The following TAS2R1 variants were observed in gnomAD, a reference collection of about 807,000 sequenced individuals.
The protein encoded by TAS2R1 is taste receptor type 2 member 1.
For missense variants in TAS2R1, 370 were observed against 353.4 expected (o/e 1.05, Z -0.38); for synonymous variants, 141 against 134.2 (o/e 1.05, Z -0.35).
chr5:9,781,651 C>T, the TAS2R1 span, among the ~76,000 whole-genome samples: 1 of 152,212 alleles, frequency 6.6e-6, no homozygotes, highest in African/African-American at 2.4e-5. Context: ...CACTGTCCTC[C>T]CTGTGTTCCC....
chr5:9,633,787 G>C (rs1443704705), upstream of TAS2R1, among the ~76,000 whole-genome samples: 1 of 151,762 alleles, frequency 6.6e-6, no homozygotes, highest in East Asian at 1.9e-4. Context: ...GTTTTGATGG[G>C]ATTATTGGTT....
the TAS2R1 span, among the ~76,000 whole-genome samples, chr5:9,864,972 T>C: frequency 1.3e-5 from 2 of 152,160 alleles, no homozygotes; most frequent in East Asian, 3.9e-4. Context: ...AGCTGGATGG[T>C]TGACCTCCTC....
chr5:9,763,503 CA>C, the TAS2R1 span, among the ~76,000 whole-genome samples: 8 of 144,206 alleles, frequency 5.5e-5, no homozygotes, highest in Admixed American at 6.9e-5. Context: ...GACTCCATCT[CA>C]AAAAAAAAAG....
intron 1 of TAS2R1, among the ~76,000 whole-genome samples, chr5:9,662,326 C>T (rs948535671): frequency 5.3e-5 from 8 of 152,180 alleles, no homozygotes; most frequent in African/African-American, 1.4e-4. Context: ...GCATGGCCAT[C>T]GTGGTTCACT....
the TAS2R1 span, among the ~76,000 whole-genome samples, chr5:9,831,688 G>T: frequency 8.6e-5 from 13 of 150,562 alleles, no homozygotes; most frequent in Admixed American, 7.9e-4. Flanking sequence ...CATTTTTTTA[G>T]ATTTCTGTTT....
At chr5:9,802,845 G>A in the TAS2R1 span, among the ~76,000 whole-genome samples, 1 of 152,156 alleles carries the variant, frequency 6.6e-6, no homozygotes, top group African/African-American at 2.4e-5. Flanking sequence ...AGAGCTTGCA[G>A]TGAGCCGAGA....
the TAS2R1 span, among the ~76,000 whole-genome samples, chr5:9,807,925 T>C: frequency 2.2e-4 from 18 of 82,858 alleles, no homozygotes; most frequent in Admixed American, 4.2e-4. Context: ...AATGAAGTTT[T>C]ATTAGAACAT....
At chr5:9,740,678 C>A in the TAS2R1 span, among the ~76,000 whole-genome samples, 5 of 152,180 alleles carry the variant, frequency 3.3e-5, no homozygotes, top group African/African-American at 9.7e-5. Flanking sequence ...GGGGCAGAAG[C>A]CAAGAGAGGA....
chr5:9,745,039 G>C, the TAS2R1 span, among the ~76,000 whole-genome samples: 3 of 152,160 alleles, frequency 2.0e-5, no homozygotes, highest in South Asian at 6.2e-4. Flanking sequence ...TTCTGCTTGA[G>C]GAAACTTACT....
chr5:9,899,620 G>A, the TAS2R1 span, among the ~76,000 whole-genome samples: 7 of 139,644 alleles, frequency 5.0e-5, no homozygotes, highest in African/African-American at 7.9e-5. Flanking sequence ...CTGGGCAACA[G>A]AGCAAGACTC....
intron 1 of TAS2R1, among the ~76,000 whole-genome samples, chr5:9,690,615 G>C (rs966958416): frequency 2.6e-5 from 4 of 151,930 alleles, no homozygotes; most frequent in African/African-American, 9.7e-5. Context: ...CTGTCAGAGG[G>C]GGGGAAAAAA....
At chr5:9,879,111 G>A in the TAS2R1 span, among the ~76,000 whole-genome samples, 12 of 152,360 alleles carry the variant, frequency 7.9e-5, no homozygotes, top group South Asian at 2.5e-3. Context: ...TTGCCTTGGG[G>A]CATGACAATT....
intron 1 of TAS2R1, among the ~76,000 whole-genome samples, chr5:9,689,859 C>T (rs1337814731): frequency 6.6e-6 from 1 of 152,044 alleles, no homozygotes; most frequent in Non-Finnish European, 1.5e-5. Flanking sequence ...TCTTTATTCT[C>T]AGTAGTTCAC....
At chr5:9,667,965 C>T (rs1740670676) in intron 1 of TAS2R1, among the ~76,000 whole-genome samples, 1 of 152,050 alleles carries the variant, frequency 6.6e-6, no homozygotes, top group South Asian at 2.1e-4. Context: ...TGGATAAGAA[C>T]AAAGATCATT....
chr5:9,700,417 C>T (rs1741455442), intron 1 of TAS2R1, among the ~76,000 whole-genome samples: 1 of 152,146 alleles, frequency 6.6e-6, no homozygotes, highest in East Asian at 1.9e-4. Flanking sequence ...GGAAAATATA[C>T]ATGCTACCCT....
the TAS2R1 span, among the ~76,000 whole-genome samples, chr5:9,798,439 G>T: frequency 6.6e-6 from 1 of 152,164 alleles, no homozygotes; most frequent in Non-Finnish European, 1.5e-5. Context: ...AACTTGGATT[G>T]TTTTTCTGAT....
At chr5:9,810,557 G>A in the TAS2R1 span, among the ~76,000 whole-genome samples, 4 of 152,160 alleles carry the variant, frequency 2.6e-5, no homozygotes, top group Non-Finnish European at 5.9e-5. Context: ...AAGACAGTAG[G>A]TTTCAGGGGG....
At chr5:9,772,627 CCTCT>C in the TAS2R1 span, among the ~76,000 whole-genome samples, 61 of 151,702 alleles carry the variant, frequency 4.0e-4, no homozygotes, top group African/African-American at 1.4e-3. Context: ...TGTATTGGGG[CCTCT>C]CTCTCTCTTT....
the TAS2R1 span, among the ~76,000 whole-genome samples, chr5:9,871,496 G>A: frequency 6.6e-6 from 1 of 152,074 alleles, no homozygotes; most frequent in African/African-American, 2.4e-5. Context: ...GTCATCCCTG[G>A]ACACAGACGT....
Sources: gnomAD v4.1 joint callset for allele counts (sites outside exome capture counted in the v4.1 genomes callset) on GRCh38, gnomAD v4.1.1 for gene constraint, MANE v1.5 for transcripts, NCBI Gene and HGNC (gene_info 2026-07-23, HGNC 2026-07-21) for gene names.